SMYD2: variants seen among roughly 807,000 people sequenced by gnomAD.
SMYD2 encodes SET and MYND domain containing 2, also known as N-lysine methyltransferase SMYD2.
In SMYD2, 53 loss-of-function variants were observed where a neutral mutation model predicts 59.1. The ratio of observed to expected loss-of-function variants is 0.90; its 90% CI spans 0.72 to 1.13. The LOEUF (loss-of-function observed/expected upper bound fraction) is 1.13, where lower values mean the gene tolerates loss of function less well. Among genes scored for constraint, SMYD2 ranks in the 50% most tolerant of loss-of-function variants. The pLI is 0.00. For missense variants in SMYD2, 494 were observed against 544.7 expected (o/e 0.91, Z 0.93); for synonymous variants, 208 against 198.8 (o/e 1.05, Z -0.39).
At chr1:214,306,852 T>C (rs1411805262) in intron 2 of SMYD2, among the ~76,000 whole-genome samples, 1 of 152,202 alleles carries the variant, frequency 6.6e-6, no homozygotes, top group Non-Finnish European at 1.5e-5. Context: ...AGGTCCTGGC[T>C]CTGCTACTTA....
intron 1 of SMYD2, among the ~76,000 whole-genome samples, chr1:214,295,040 G>A (rs1270819172): frequency 1.3e-5 from 2 of 152,326 alleles, no homozygotes; most frequent in Admixed American, 6.5e-5. Context: ...ACTGGAAGAA[G>A]CGGTGGATAT....
At chr1:214,331,503 T>C (rs1657353111) in intron 9 of SMYD2, 1 of 187,294 alleles carries the variant, frequency 5.3e-6, no homozygotes, top group Non-Finnish European at 1.1e-5. Flanking sequence ...AGGACACAGC[T>C]GATGGTGATA....
intron 1 of SMYD2, among the ~76,000 whole-genome samples, chr1:214,299,897 C>T (rs904483289): frequency 6.6e-6 from 1 of 152,160 alleles, no homozygotes; most frequent in African/African-American, 2.4e-5. Flanking sequence ...TGAGCCACCA[C>T]ACCCAGCCAT....
At chr1:214,281,449 C>A in intron 1 of SMYD2, 22 bp downstream of exon 1, 1 of 1,372,644 alleles carries the variant, frequency 7.3e-7, no homozygotes, top group Non-Finnish European at 9.5e-7. Flanking sequence ...GCGGCGGCGG[C>A]GGCGGGCGGG....
intron 1 of SMYD2, among the ~76,000 whole-genome samples, chr1:214,286,544 A>C (rs1656549200): frequency 6.6e-6 from 1 of 151,868 alleles, no homozygotes; most frequent in African/African-American, 2.4e-5. Context: ...GCTGAGGCAG[A>C]TGGATCACTC....
At chr1:214,334,366 C>T in intron 11 of SMYD2, 58 bp downstream of exon 11, 13 of 1,438,994 alleles carry the variant, frequency 9.0e-6, no homozygotes, top group Non-Finnish European at 1.2e-5. Context: ...CTTAGCGCAC[C>T]TCCTTCATGC....
chr1:214,331,877 C>T, intron 9 of SMYD2, 141 bp from the exon 10 acceptor site: 1 of 709,322 alleles, frequency 1.4e-6, no homozygotes, highest in East Asian at 2.7e-5. Context: ...TAATTCCTTT[C>T]ACTTTTGCTT....
rs112330096 is a variant in SMYD2 at position 214,334,831 on chromosome 1, GT to G, written c.1221+526del. Among the ~76,000 whole-genome samples, 255 of 152,326 alleles carry G rather than the reference GT, an allele frequency of 1.7e-3. 14 individuals are homozygous for G. In the South Asian group the frequency reaches 0.048, roughly 29 times the overall value. ...GATGAAGAAAGTGAGGTTCAAGCAG[GT>G]TTAAGTGAGTAATAGCCTAGGGTAC... On this transcript the variant is annotated intron_variant, in intron 11 of 11. Transcript: ENST00000366957.
intron 5 of SMYD2, among the ~76,000 whole-genome samples, chr1:214,320,141 A>T (rs1280109163): frequency 6.6e-6 from 1 of 152,236 alleles, no homozygotes; most frequent in Admixed American, 6.5e-5. Context: ...GAGTTTGGTT[A>T]CATAAATTAT....
intron 6 of SMYD2, among the ~76,000 whole-genome samples, 171 bp downstream of exon 6, chr1:214,324,879 G>A (rs1248252040): frequency 6.6e-6 from 1 of 152,078 alleles, no homozygotes; most frequent in African/African-American, 2.4e-5. Context: ...CTACACTTAA[G>A]GATCCAAAGG....
At chr1:214,285,508 A>G (rs1399975663) in intron 1 of SMYD2, among the ~76,000 whole-genome samples, 1 of 152,212 alleles carries the variant, frequency 6.6e-6, no homozygotes, top group Non-Finnish European at 1.5e-5. Flanking sequence ...AATTGAATAC[A>G]TGCTCTAATA....
chr1:214,336,868 T>A lies in SMYD2; in HGVS notation c.*84T>A. 3.5e-5 allele frequency: 40 copies of A among 1,147,208 alleles called. No individual in the cohort carries two copies. Among genetic ancestry groups the A allele is most frequent in the Non-Finnish European group, 5.0e-5 (40 of 800,766 alleles). The allele number at this position is 1,147,208 out of a possible 1,614,324, so 71.1% of individuals were successfully genotyped here. The stretch of plus-strand genomic sequence containing the variant: ...GAATATTTCAAATTGCACACGTCAC[T>A]CCAGCATCTCTGTAAAATAATTGGA... On this transcript the variant is annotated 3_prime_UTR_variant, in exon 12 of 12. Coordinates refer to ENST00000366957, the MANE Select transcript of SMYD2 (RefSeq NM_020197.3).
At chr1:214,329,440 T>TG (rs1298213366) in intron 7 of SMYD2, among the ~76,000 whole-genome samples, 1 of 152,178 alleles carries the variant, frequency 6.6e-6, no homozygotes, top group African/African-American at 2.4e-5. Flanking sequence ...GAGTAGATAA[T>TG]GGACATCTAA....
At chr1:214,336,624 A>C (rs1657443225) in intron 11 of SMYD2, 80 bp from the exon 12 acceptor site, 1 of 1,300,344 alleles carries the variant, frequency 7.7e-7, no homozygotes, top group African/African-American at 1.5e-5. Context: ...AAGCAGAGAG[A>C]TCCAACTTAA....
intron 11 of SMYD2, among the ~76,000 whole-genome samples, chr1:214,334,925 T>C (rs1657412521): frequency 3.3e-5 from 5 of 152,180 alleles, no homozygotes. Flanking sequence ...CAAGCTGTGA[T>C]GAAACTGGTG....
At chr1:214,284,779 G>C (rs769243757) in intron 1 of SMYD2, among the ~76,000 whole-genome samples, 11 of 152,138 alleles carry the variant, frequency 7.2e-5, no homozygotes, top group Non-Finnish European at 1.3e-4. Context: ...GCCTCTCAAA[G>C]TGCTAGGATT....
chr1:214,320,288 AACAC>A (rs1300268916), intron 5 of SMYD2, among the ~76,000 whole-genome samples: 3 of 152,224 alleles, frequency 2.0e-5, no homozygotes, highest in Admixed American at 6.5e-5. Flanking sequence ...ATAATACGAA[AACAC>A]ACATACATAA....
chr1:214,324,635 C>G lies in SMYD2; in HGVS notation c.535-6C>G. The G allele has an allele frequency of 6.2e-7, 1 of 1,603,650 alleles. No individual in the cohort carries two copies. The highest frequency in any genetic ancestry group is 8.5e-7 in the Non-Finnish European group (1 of 1,175,994). On this transcript the variant is annotated splice_region_variant and splice_polypyrimidine_tract_variant and intron_variant, in intron 5 of 11. Coordinates refer to ENST00000366957, the MANE Select transcript of SMYD2 (RefSeq NM_020197.3). ...TTTTTTCCTTTCTCCCTTTTTCTTGCTGCAGGTTAACTGTAATGGCTTCAC... is the reference window on the plus strand; with the variant it reads ...TTTTTTCCTTTCTCCCTTTTTCTTGGTGCAGGTTAACTGTAATGGCTTCAC...
chr1:214,317,696 T>C (rs1287125756), intron 3 of SMYD2, among the ~76,000 whole-genome samples: 1 of 152,114 alleles, frequency 6.6e-6, no homozygotes, highest in East Asian at 1.9e-4. Flanking sequence ...AAGTGTAAAA[T>C]GGATGGGGGG....
Sources: allele counts gnomAD v4.1 joint callset (sites outside exome capture counted in the v4.1 genomes callset), GRCh38; gene constraint gnomAD v4.1.1; transcripts MANE v1.5; gene names NCBI Gene and HGNC (gene_info 2026-07-23, HGNC 2026-07-21).